Variants in TMEM87A observed in about 807,000 individuals in gnomAD.
The protein encoded by TMEM87A is Golgi-pH regulating cation channel.
In TMEM87A, 50 loss-of-function variants were observed where a neutral mutation model predicts 90.0. The observed-to-expected ratio is 0.56, with a 90% CI of 0.44 to 0.70. TMEM87A has a LOEUF of 0.70. Ranked by LOEUF, TMEM87A falls within the 30% of genes least tolerant of loss-of-function variation. The probability of loss-of-function intolerance (pLI) is 0.00; values close to 1 mark genes in which losing one functional copy is unlikely to be tolerated. For missense variants in TMEM87A, 577 were observed against 660.5 expected (o/e 0.87, Z 1.39); for synonymous variants, 226 against 226.7 (o/e 1.00, Z 0.03).
chr15:42,245,876 G>C (rs976515999), intron 6 of TMEM87A, among the ~76,000 whole-genome samples: 56 of 152,062 alleles, frequency 3.7e-4, no homozygotes, highest in Non-Finnish European at 2.4e-4. Flanking sequence ...TATCAGATAG[G>C]TATTAACTCC....
intron 15 of TMEM87A, among the ~76,000 whole-genome samples, chr15:42,222,618 G>C (rs1277004615): frequency 6.6e-6 from 1 of 152,016 alleles, no homozygotes; most frequent in Middle Eastern, 3.2e-3. Flanking sequence ...GAGTGCAACG[G>C]CATGATCTCA....
intron 18 of TMEM87A, 45 bp from the exon 19 acceptor site, chr15:42,217,878 C>T (rs751118531): frequency 7.1e-5 from 112 of 1,577,788 alleles, no homozygotes; most frequent in Non-Finnish European, 9.1e-5. Flanking sequence ...TAAAATAAAG[C>T]CATAAATGGT....
chr15:42,241,980 T>A lies in TMEM87A; in HGVS notation c.622+2070A>T, dbSNP rs2050878479. 6.1e-5 allele frequency among the ~76,000 whole-genome samples: 9 copies of A among 147,852 alleles called. No homozygotes were observed. In the Admixed American group the frequency reaches 6.2e-4, roughly 10 times the overall value. On this transcript the variant is annotated intron_variant, in intron 7 of 19. Transcript: ENST00000389834. Reference sequence around the variant, plus strand: ...TACTTGGGAGGCTGAGGCAGCAGAATCACTTGAACCCAGGAGTCAGAGGTT... The same window carrying A: ...TACTTGGGAGGCTGAGGCAGCAGAAACACTTGAACCCAGGAGTCAGAGGTT...
intron 3 of TMEM87A, among the ~76,000 whole-genome samples, chr15:42,264,728 C>T (rs867556802): frequency 1.1e-5 from 1 of 90,618 alleles, no homozygotes; most frequent in Non-Finnish European, 2.5e-5. Flanking sequence ...TTTTAGGTTC[C>T]GGTATACATA....
chr15:42,246,165 A>C (rs2140955251), intron 6 of TMEM87A, among the ~76,000 whole-genome samples: 1 of 152,194 alleles, frequency 6.6e-6, no homozygotes, highest in East Asian at 1.9e-4. Flanking sequence ...CACTTAACAT[A>C]ATGTTTTCAG....
chr15:42,245,999 C>G (rs2050965177), intron 6 of TMEM87A, among the ~76,000 whole-genome samples: 1 of 152,180 alleles, frequency 6.6e-6, no homozygotes, highest in African/African-American at 2.4e-5. Context: ...CTATCTAGTT[C>G]CAAAACATTT....
intron 6 of TMEM87A, chr15:42,257,856 T>C (rs758021943): frequency 5.2e-6 from 5 of 961,034 alleles, no homozygotes; most frequent in Non-Finnish European, 6.2e-6. Flanking sequence ...AAGAAAAAAT[T>C]ATACAATGGT....
chr15:42,250,355 C>G (rs1178667182), intron 6 of TMEM87A, among the ~76,000 whole-genome samples: 1 of 152,144 alleles, frequency 6.6e-6, no homozygotes, highest in African/African-American at 2.4e-5. Context: ...CAGTTTCTTC[C>G]TAGCATCGAT....
At chr15:42,245,520 C>CTTT (rs550453415) in intron 6 of TMEM87A, among the ~76,000 whole-genome samples, 91 of 118,400 alleles carry the variant, frequency 7.7e-4, no homozygotes, top group African/African-American at 1.7e-3. Context: ...ACATTTATTA[C>CTTT]TTTTTTTTTT....
At chr15:42,253,321 A>G (rs2051119322) in intron 6 of TMEM87A, among the ~76,000 whole-genome samples, 1 of 152,192 alleles carries the variant, frequency 6.6e-6, no homozygotes, top group Non-Finnish European at 1.5e-5. Context: ...GAAGCCTTAA[A>G]AAGCCTTGTT....
intron 1 of TMEM87A, 137 bp from the exon 2 acceptor site, chr15:42,272,260 T>C (rs2051550288): frequency 3.8e-6 from 2 of 532,294 alleles, no homozygotes; most frequent in Non-Finnish European, 6.6e-6. Flanking sequence ...TTCATTCCCT[T>C]TACTCACCAA....
In TMEM87A at chr15:42,273,134, C is replaced by T. The variant is rs1180810227; in HGVS notation, c.144+121G>A. 4.7e-6 allele frequency: 6 copies of T among 1,288,188 alleles called. No individual in the cohort carries two copies. In the South Asian group the frequency reaches 8.1e-5, roughly 17 times the overall value. 79.8% of individuals were successfully genotyped at this position (1,288,188 alleles called of 1,614,324 possible). A position where few individuals can be genotyped will look rare whatever the true frequency, so the allele number is the denominator to read the frequency against. On this transcript the variant is annotated intron_variant, in intron 1 of 19. Transcript: ENST00000389834. ...GGTCCCAGTTGGCTAGCCACACAGA[C>T]CATCCCAGCAACCCCACCCCTTTTG...
chr15:42,217,240 C>T (rs1330237435), intron 19 of TMEM87A, among the ~76,000 whole-genome samples: 1 of 152,152 alleles, frequency 6.6e-6, no homozygotes, highest in Non-Finnish European at 1.5e-5. Flanking sequence ...AGGCATGAGC[C>T]ACTATACCTG....
At chr15:42,260,515 T>C (rs1410491792) in intron 6 of TMEM87A, among the ~76,000 whole-genome samples, 1 of 152,184 alleles carries the variant, frequency 6.6e-6, no homozygotes, top group Non-Finnish European at 1.5e-5. Context: ...TTTTAACTGG[T>C]GATGTTTTGA....
At chr15:42,273,192 T>TGG in intron 1 of TMEM87A, 63 bp downstream of exon 1, 2 of 1,600,914 alleles carry the variant, frequency 1.2e-6, no homozygotes, top group Non-Finnish European at 1.7e-6. Context: ...ATGGACCCCT[T>TGG]GGGCCGCCGT....
intron 6 of TMEM87A, among the ~76,000 whole-genome samples, chr15:42,252,849 G>A (rs2051111001): frequency 6.6e-6 from 1 of 151,942 alleles, no homozygotes; most frequent in African/African-American, 2.4e-5. Flanking sequence ...CGTTGTTTCT[G>A]TGCATGCCTC....
intron 12 of TMEM87A, among the ~76,000 whole-genome samples, chr15:42,230,858 C>G (rs886087377): frequency 5.3e-5 from 8 of 152,162 alleles, no homozygotes; most frequent in Non-Finnish European, 1.2e-4. Context: ...GCAGGACCAG[C>G]ACAGCCAGTG....
rs568240753 is a variant in TMEM87A at position 42,226,173 on chromosome 15, T to C, written c.1403+633A>G. 3.3e-5 allele frequency among the ~76,000 whole-genome samples: 5 copies of C among 152,254 alleles called. No homozygotes were observed. In the South Asian group the frequency reaches 1.0e-3, roughly 32 times the overall value. Reference sequence around the variant, plus strand: ...CACCTCCACACTCAGTTAATTTTTGTATTTTTAGTAGAGACGGGGTTCCGC... The same window carrying C: ...CACCTCCACACTCAGTTAATTTTTGCATTTTTAGTAGAGACGGGGTTCCGC... On this transcript the variant is annotated intron_variant, in intron 15 of 19. Coordinates refer to ENST00000389834, the MANE Select transcript of TMEM87A (RefSeq NM_015497.5).
At chr15:42,268,202 TTAAGA>T (rs1448945835) in intron 2 of TMEM87A, among the ~76,000 whole-genome samples, 170 bp from the exon 3 acceptor site, 1 of 152,182 alleles carries the variant, frequency 6.6e-6, no homozygotes, top group African/African-American at 2.4e-5. Context: ...GAGCTGGATA[TTAAGA>T]TAAAAGTATT....
Sources: gnomAD v4.1 joint callset for allele counts (sites outside exome capture counted in the v4.1 genomes callset) on GRCh38, gnomAD v4.1.1 for gene constraint, MANE v1.5 for transcripts, NCBI Gene and HGNC (gene_info 2026-07-23, HGNC 2026-07-21) for gene names.